The following GALNTL6 variants were observed in gnomAD, a reference collection of about 807,000 sequenced individuals.
The protein encoded by GALNTL6 is polypeptide N-acetylgalactosaminyltransferase-like 6.
A neutral mutation model predicts 73.7 loss-of-function variants in GALNTL6; 46 were observed. That is an observed-to-expected ratio of 0.62 (90% CI 0.49 to 0.80). The LOEUF (loss-of-function observed/expected upper bound fraction) is 0.80. GALNTL6 is among the 30% of genes least tolerant of loss of function. The probability of loss-of-function intolerance (pLI) is 0.00; values close to 1 mark genes in which losing one functional copy is unlikely to be tolerated. For synonymous variants in GALNTL6, 259 were observed against 263.7 expected (o/e 0.98, Z 0.17); for missense variants, 604 against 755.0 (o/e 0.80, Z 2.34).
intron 2 of GALNTL6, among the ~76,000 whole-genome samples, chr4:171,984,418 C>T (rs375059336): frequency 6.6e-6 from 1 of 152,122 alleles, no homozygotes; most frequent in African/African-American, 2.4e-5. Context: ...TGCATGCTAG[C>T]TCAGTGCCTT....
rs118134919 is a variant in GALNTL6, at chr4:172,279,010, T to A, written c.248-32604T>A. On this transcript the variant is annotated intron_variant, in intron 3 of 12. Transcript: ENST00000506823. ...CAAATGGTTTTGGGAAAATTGGATATCCACTGCAAAAGAATGAAGTTGGAC... is the reference window on the plus strand; with the variant it reads ...CAAATGGTTTTGGGAAAATTGGATAACCACTGCAAAAGAATGAAGTTGGAC... Among the ~76,000 whole-genome samples the A allele has an allele frequency of 3.6e-3, 548 of 152,192 alleles. 17 individuals carry two copies. In the East Asian group the frequency reaches 0.076, roughly 21 times the overall value.
chr4:172,083,287 C>T (rs1731934440), intron 2 of GALNTL6, among the ~76,000 whole-genome samples: 1 of 152,166 alleles, frequency 6.6e-6, no homozygotes, highest in Non-Finnish European at 1.5e-5. Context: ...AGACAGTTCT[C>T]AAGAGACTGA....
chr4:172,683,502 T>G (rs1388373878), intron 5 of GALNTL6, among the ~76,000 whole-genome samples: 1 of 152,198 alleles, frequency 6.6e-6, no homozygotes, highest in Non-Finnish European at 1.5e-5. Flanking sequence ...TTAAAAACTT[T>G]TTACCCTAAC....
At chr4:172,399,015 T>A (rs1220076634) in intron 5 of GALNTL6, among the ~76,000 whole-genome samples, 1 of 152,138 alleles carries the variant, frequency 6.6e-6, no homozygotes, top group Non-Finnish European at 1.5e-5. Context: ...ATAGCTTCTA[T>A]ATTTTATTTA....
chr4:172,186,510 A>C (rs1735418751), intron 2 of GALNTL6, among the ~76,000 whole-genome samples: 1 of 152,162 alleles, frequency 6.6e-6, no homozygotes, highest in African/African-American at 2.4e-5. Flanking sequence ...GAAGCAGCTC[A>C]ATGTCTACCA....
chr4:172,202,141 C>T (rs1028618624), intron 2 of GALNTL6, among the ~76,000 whole-genome samples: 2 of 152,174 alleles, frequency 1.3e-5, no homozygotes, highest in African/African-American at 4.8e-5. Flanking sequence ...GGTTGTGCTT[C>T]CTATACTCAC....
At chr4:171,859,334 T>C (rs1560816807) in intron 2 of GALNTL6, among the ~76,000 whole-genome samples, 1 of 152,164 alleles carries the variant, frequency 6.6e-6, no homozygotes, top group Admixed American at 6.5e-5. Flanking sequence ...TTTTAAAATT[T>C]TTTGAACTCC....
At chr4:172,376,829 T>G (rs540261446) in intron 5 of GALNTL6, among the ~76,000 whole-genome samples, 1 of 152,136 alleles carries the variant, frequency 6.6e-6, no homozygotes, top group Non-Finnish European at 1.5e-5. Context: ...CAGACCCTCG[T>G]GATAAGTATT....
At position 172,069,404 on chromosome 4, in the gene GALNTL6, A is replaced by T. The variant is rs568658630; in HGVS notation, c.139-160252A>T. 1.0e-3 allele frequency among the ~76,000 whole-genome samples: 102 copies of T among 99,232 alleles called. 27 individuals carry two copies. Among genetic ancestry groups the T allele is most frequent in the African/African-American group, 3.2e-3 (84 of 26,232 alleles). 65.1% of individuals were successfully genotyped at this position (99,232 alleles called of 152,430 possible). ...GTGTGTGTACATATGTGTTATATAT[A>T]ACACATATATGTTATATATAACACA... On this transcript the variant is annotated intron_variant, in intron 2 of 12. Coordinates refer to ENST00000506823, the MANE Select transcript of GALNTL6 (RefSeq NM_001034845.3).
At chr4:172,069,585 A>T (rs377646394) in intron 2 of GALNTL6, among the ~76,000 whole-genome samples, 1 of 23,414 alleles carries the variant, frequency 4.3e-5, no homozygotes, top group East Asian at 5.8e-4. Flanking sequence ...GTTATATATT[A>T]TATATATAAC....
At chr4:171,962,451 G>T (rs776652570) in intron 2 of GALNTL6, among the ~76,000 whole-genome samples, 1 of 152,106 alleles carries the variant, frequency 6.6e-6, no homozygotes, top group African/African-American at 2.4e-5. Flanking sequence ...ACCTCTGGTC[G>T]TCCTCATTAC....
At chr4:172,033,651 T>A (rs1448957678) in intron 2 of GALNTL6, among the ~76,000 whole-genome samples, 1 of 152,088 alleles carries the variant, frequency 6.6e-6, no homozygotes, top group Non-Finnish European at 1.5e-5. Context: ...AATCCAATCA[T>A]GATATGAGAA....
intron 3 of GALNTL6, among the ~76,000 whole-genome samples, chr4:172,310,152 AATGCAAGCATTGGC>A (rs1281470222): frequency 1.3e-5 from 2 of 152,230 alleles, no homozygotes; most frequent in African/African-American, 4.8e-5. Flanking sequence ...TGATGTTTCC[AATGCAAGCATTGGC>A]ATAGCAGTGA....
At chr4:172,661,953 T>C (rs1731399808) in intron 5 of GALNTL6, among the ~76,000 whole-genome samples, 1 of 152,130 alleles carries the variant, frequency 6.6e-6, no homozygotes, top group South Asian at 2.1e-4. Flanking sequence ...AGACAGGTGC[T>C]AATAAGAAGG....
rs564895002 is a variant in GALNTL6, at chr4:172,487,192, TTTTC to T, written c.553+138521_553+138524del. On this transcript the variant is annotated intron_variant, in intron 5 of 12. Transcript: ENST00000506823. ...TAGAAGATAAAAGTGAAAATCTTCA[TTTTC>T]TTTCTTTCTTTCTTTCTCCTTCCTT... is the stretch of plus-strand genomic sequence containing the variant. Among the ~76,000 whole-genome samples, 275 of 151,410 alleles carry T rather than the reference TTTTC, an allele frequency of 1.8e-3. 1 individual carries two copies. The highest frequency in any genetic ancestry group is 0.015 in the Admixed American group (232 of 15,194).
chr4:172,750,900 C>CT (rs1470895144), intron 5 of GALNTL6, among the ~76,000 whole-genome samples: 2 of 152,042 alleles, frequency 1.3e-5, no homozygotes, highest in Non-Finnish European at 2.9e-5. Flanking sequence ...GCAACACATT[C>CT]TTTTAGTTGA....
At chr4:172,402,349 T>A (rs1025758843) in intron 5 of GALNTL6, among the ~76,000 whole-genome samples, 1 of 152,084 alleles carries the variant, frequency 6.6e-6, no homozygotes, top group Admixed American at 6.6e-5. Flanking sequence ...GAATGATGTA[T>A]AAACCTGTCA....
chr4:172,672,760 A>G (rs1732062557), intron 5 of GALNTL6, among the ~76,000 whole-genome samples: 1 of 151,994 alleles, frequency 6.6e-6, no homozygotes, highest in African/African-American at 2.4e-5. Context: ...GGGAGGGTGT[A>G]TGTGTCCAGG....
chr4:172,175,210 G>A (rs1734953062), intron 2 of GALNTL6, among the ~76,000 whole-genome samples: 1 of 151,976 alleles, frequency 6.6e-6, no homozygotes, highest in Admixed American at 6.6e-5. Flanking sequence ...CCAAGTAGCT[G>A]AGACTACAGG....
Sources: allele counts gnomAD v4.1 joint callset (sites outside exome capture counted in the v4.1 genomes callset), GRCh38; gene constraint gnomAD v4.1.1; transcripts MANE v1.5; gene names NCBI Gene and HGNC (gene_info 2026-07-23, HGNC 2026-07-21).